ZMYND11: variants seen among roughly 807,000 people sequenced by gnomAD.
ZMYND11 encodes zinc finger MYND domain-containing protein 11.
Under a neutral mutation model 84.9 loss-of-function variants are expected in ZMYND11, and 9 were observed. The ratio of observed to expected loss-of-function variants is 0.11; its 90% CI spans 0.06 to 0.18. ZMYND11 has a LOEUF of 0.18. Ranked by LOEUF, ZMYND11 falls within the 10% of genes least tolerant of loss-of-function variation. ZMYND11 has a pLI of 1.00. For missense variants in ZMYND11, 409 were observed against 761.0 expected, an observed-to-expected ratio of 0.54 and a Z score of 5.44; for synonymous variants, 250 against 244.1, an observed-to-expected ratio of 1.02 and a Z score of -0.23.
chr10:213,591 T>C (rs555282568), intron 3 of ZMYND11, among the ~76,000 whole-genome samples: 1 of 152,284 alleles, frequency 6.6e-6, no homozygotes, highest in South Asian at 2.1e-4. Flanking sequence ...TTTAAATGGG[T>C]GGTAAAGCTC....
At chr10:193,335 T>C (rs1940927744) in intron 2 of ZMYND11, among the ~76,000 whole-genome samples, 1 of 152,226 alleles carries the variant, frequency 6.6e-6, no homozygotes, top group African/African-American at 2.4e-5. Flanking sequence ...TAGGGGCCCT[T>C]ACAGCATTCC....
At chr10:240,766 AAAAGATT>A in intron 8 of ZMYND11, 120 bp from the exon 9 acceptor site, 1 of 752,112 alleles carries the variant, frequency 1.3e-6, no homozygotes. Flanking sequence ...ATTTAGGCTT[AAAAGATT>A]AAGAAACAAA....
chr10:236,810 CCT>C (rs1950062511), intron 4 of ZMYND11, 26 bp from the exon 5 acceptor site: 2 of 1,579,446 alleles, frequency 1.3e-6, no homozygotes, highest in African/African-American at 1.4e-5. Context: ...AGATTTTGTA[CCT>C]TTTTTTATTC....
chr10:203,808 G>C lies in ZMYND11; in HGVS notation c.117-6081G>C, dbSNP rs143729923. Among the ~76,000 whole-genome samples the C allele has an allele frequency of 1.0e-3, 156 of 152,276 alleles. 1 individual carries two copies. Among genetic ancestry groups the C allele is most frequent in the African/African-American group, 3.6e-3 (148 of 41,554 alleles). ...GAGCCCCTCTCTGCAGTTTCTGGAAGGAATCAAGCTCTAGAACTCTTTTGT... is the reference window on the plus strand; with the variant it reads ...GAGCCCCTCTCTGCAGTTTCTGGAACGAATCAAGCTCTAGAACTCTTTTGT... On this transcript the variant is annotated intron_variant, in intron 2 of 14. Transcript: ENST00000381604.
chr10:193,611 C>A (rs929224695), intron 2 of ZMYND11, among the ~76,000 whole-genome samples: 4 of 152,162 alleles, frequency 2.6e-5, no homozygotes, highest in African/African-American at 9.7e-5. Flanking sequence ...TGCTGTTAAC[C>A]AGCTGTGTTT....
chr10:250,773 ACACCTGTAATTCCAG>A (rs1031369604), intron 14 of ZMYND11, among the ~76,000 whole-genome samples: 2 of 152,276 alleles, frequency 1.3e-5, no homozygotes, highest in African/African-American at 4.8e-5. Context: ...CTCGGTGCTC[ACACCTGTAATTCCAG>A]CACTTGGGAA....
intron 2 of ZMYND11, among the ~76,000 whole-genome samples, chr10:208,249 T>C (rs1438289071): frequency 6.6e-6 from 1 of 152,190 alleles, no homozygotes; most frequent in East Asian, 1.9e-4. Flanking sequence ...AAGGACTTCG[T>C]GTCTAAAACA....
chr10:191,089 G>C (rs1940251776), intron 2 of ZMYND11, among the ~76,000 whole-genome samples: 1 of 152,074 alleles, frequency 6.6e-6, no homozygotes, highest in Non-Finnish European at 1.5e-5. Flanking sequence ...GTTTGAAGGA[G>C]GGTTATAATA....
At position 168,697 on chromosome 10, in the gene ZMYND11, T is replaced by C. The variant is rs189415043; in HGVS notation, c.-19-11297T>C. Among the ~76,000 whole-genome samples the C allele has an allele frequency of 3.5e-3, 530 of 152,234 alleles. 3 individuals carry two copies. Among genetic ancestry groups the C allele is most frequent in the African/African-American group, 0.012 (508 of 41,548 alleles). ...AAAATAATAATAATAAACAAAACTC[T>C]TTTAGATCCATCAGGGAAGTGAAAC... On this transcript the variant is annotated intron_variant, in intron 1 of 14. Transcript: ENST00000381604.
chr10:214,164 G>GT (rs1564394552), intron 3 of ZMYND11, among the ~76,000 whole-genome samples: 1 of 152,108 alleles, frequency 6.6e-6, no homozygotes, highest in Non-Finnish European at 1.5e-5. Flanking sequence ...AGAAACTGTG[G>GT]TAAAATTAGG....
chr10:245,090 A>C (rs1228984976), intron 10 of ZMYND11, among the ~76,000 whole-genome samples: 1 of 152,206 alleles, frequency 6.6e-6, no homozygotes, highest in East Asian at 1.9e-4. Context: ...TAATGGCAAG[A>C]AACTATTCCA....
At chr10:218,472 T>C in intron 3 of ZMYND11, 1 of 392,964 alleles carries the variant, frequency 2.5e-6, no homozygotes, top group Non-Finnish European at 5.1e-6. Context: ...GTATGCAGCC[T>C]TTCTCCAGGA....
At chr10:203,903 T>A (rs535377992) in intron 2 of ZMYND11, among the ~76,000 whole-genome samples, 1 of 152,182 alleles carries the variant, frequency 6.6e-6, no homozygotes, top group African/African-American at 2.4e-5. Flanking sequence ...AAAAATGTAA[T>A]ATAGAGCTTA....
At position 157,486 on chromosome 10, in the gene ZMYND11, C is replaced by T. The variant is rs537236857; in HGVS notation, c.-20+21927C>T. 1.8e-4 allele frequency among the ~76,000 whole-genome samples: 27 copies of T among 152,254 alleles called. No individual in the cohort carries two copies. The South Asian group carries it at 5.2e-3, about 29-fold the overall frequency. On this transcript the variant is annotated intron_variant, in intron 1 of 14. Coordinates refer to ENST00000381604, the MANE Select transcript of ZMYND11 (RefSeq NM_001370100.5). ...AAGTGCTGGGATGACAGGCATGAGCCGTTGCGCCTGGCATAATAGCTATTT... is the reference window on the plus strand; with the variant it reads ...AAGTGCTGGGATGACAGGCATGAGCTGTTGCGCCTGGCATAATAGCTATTT...
intron 10 of ZMYND11, among the ~76,000 whole-genome samples, chr10:242,473 C>G (rs1317677250): frequency 6.6e-6 from 1 of 152,078 alleles, no homozygotes; most frequent in African/African-American, 2.4e-5. Context: ...CACAGTTACT[C>G]TAGTTGCTCC....
intron 1 of ZMYND11, among the ~76,000 whole-genome samples, chr10:168,951 G>GT (rs2131601915): frequency 6.6e-6 from 1 of 152,216 alleles, no homozygotes; most frequent in South Asian, 2.1e-4. Flanking sequence ...ACAGTTTTGA[G>GT]TTTTTACCTC....
intron 1 of ZMYND11, among the ~76,000 whole-genome samples, chr10:166,861 T>C (rs1844124944): frequency 6.6e-6 from 1 of 152,114 alleles, no homozygotes. Context: ...CCATCAACAG[T>C]TGAGTGGATA....
rs1589274043 is a variant in ZMYND11 at position 246,689 on chromosome 10, G to C, written c.951-77G>C. The C allele has an allele frequency of 6.5e-6, 9 of 1,386,950 alleles. No individual in the cohort carries two copies. In the Admixed American group the frequency reaches 1.7e-4, roughly 26 times the overall value. 85.9% of individuals were successfully genotyped at this position (1,386,950 alleles called of 1,614,324 possible). A position where few individuals can be genotyped will look rare whatever the true frequency, so the allele number is the denominator to read the frequency against. Reference sequence around the variant, plus strand: ...CAGGTCGCACTTTATGGCAGGCAGGGTCCACTGAAGCCCTCTTTTACCACC... The same window carrying C: ...CAGGTCGCACTTTATGGCAGGCAGGCTCCACTGAAGCCCTCTTTTACCACC... On this transcript the variant is annotated intron_variant, in intron 10 of 14. Transcript: ENST00000381604.
At chr10:239,968 C>G in intron 7 of ZMYND11, 88 bp from the exon 8 acceptor site, 1 of 1,171,378 alleles carries the variant, frequency 8.5e-7, no homozygotes, top group Admixed American at 2.4e-5. Flanking sequence ...TAGATGTCTA[C>G]TTTTGCAAAC....
Sources: allele counts gnomAD v4.1 joint callset (sites outside exome capture counted in the v4.1 genomes callset), GRCh38; gene constraint gnomAD v4.1.1; transcripts MANE v1.5; gene names NCBI Gene and HGNC (gene_info 2026-07-23, HGNC 2026-07-21).